L3MBTL4: variants seen among roughly 807,000 people sequenced by gnomAD.
L3MBTL4 encodes the protein lethal(3)malignant brain tumor-like protein 4.
In L3MBTL4, 70 loss-of-function variants were observed where a neutral mutation model predicts 84.5. The ratio of observed to expected loss-of-function variants is 0.83; its 90% confidence interval spans 0.68 to 1.01. L3MBTL4 has a LOEUF of 1.01. L3MBTL4 is among the 50% of genes least tolerant of loss of function. L3MBTL4 has a pLI of 0.00. For missense variants in L3MBTL4, 715 were observed against 754.8 expected, an observed-to-expected ratio of 0.95 and a Z score of 0.62; for synonymous variants, 274 against 259.8, an observed-to-expected ratio of 1.05 and a Z score of -0.52.
chr18:5,972,933 AGAATAGAATAGAAT>A (rs1196205343), intron 16 of L3MBTL4, among the ~76,000 whole-genome samples: 25 of 144,736 alleles, frequency 1.7e-4, no homozygotes, highest in African/African-American at 5.6e-4. Flanking sequence ...AGAATAGAAT[AGAATAGAATAGAAT>A]AGAATAGAAT....
intron 1 of L3MBTL4, among the ~76,000 whole-genome samples, chr18:6,374,113 A>G (rs2054270244): frequency 6.6e-6 from 1 of 152,204 alleles, no homozygotes. Context: ...CAAACAGCAG[A>G]TGTACATGCC....
Position 6,147,702 on chromosome 18 carries a change from A to G in L3MBTL4, c.1097-9406T>C, listed in dbSNP as rs182195976. On this transcript the variant is annotated intron_variant, in intron 13 of 18. Transcript: ENST00000317931. ...ACTTATCTTCCACTCAGAAACAATC[A>G]CACAGTAAGAAAAGAATGCAGACTC... 3.2e-4 allele frequency among the ~76,000 whole-genome samples: 49 copies of G among 152,322 alleles called. No homozygotes were observed. In the East Asian group the frequency reaches 9.2e-3, roughly 29 times the overall value.
At chr18:6,120,511 A>G (rs1467455710) in intron 14 of L3MBTL4, among the ~76,000 whole-genome samples, 4 of 152,184 alleles carry the variant, frequency 2.6e-5, no homozygotes, top group Non-Finnish European at 4.4e-5. Context: ...TTGAAGTAGA[A>G]CTTTATATAG....
intron 13 of L3MBTL4, among the ~76,000 whole-genome samples, chr18:6,139,379 T>C (rs916068635): frequency 6.6e-6 from 1 of 152,056 alleles, no homozygotes; most frequent in Non-Finnish European, 1.5e-5. Context: ...ACTCTAACCA[T>C]GCCAAGCATT....
Position 6,172,717 on chromosome 18 carries a change from C to T in L3MBTL4, c.982-775G>A, listed in dbSNP as rs12604263. On this transcript the variant is annotated intron_variant, in intron 12 of 18. Coordinates refer to ENST00000317931, the MANE Select transcript of L3MBTL4 (RefSeq NM_001330559.2). ...AAATCCCAATTTCTGAAACAAAAAT[C>T]AAATAATTATTTCTTAAAAATAATT... Among the ~76,000 whole-genome samples, 73 of 152,148 alleles carry T rather than the reference C, an allele frequency of 4.8e-4. 2 individuals carry two copies. In the East Asian group the frequency reaches 0.013, roughly 27 times the overall value.
chr18:6,378,601 T>C (rs1007294851), intron 1 of L3MBTL4, among the ~76,000 whole-genome samples: 4 of 152,204 alleles, frequency 2.6e-5, no homozygotes, highest in African/African-American at 9.7e-5. Flanking sequence ...CTTGTTTGTG[T>C]CAGGTTTGTC....
intron 12 of L3MBTL4, among the ~76,000 whole-genome samples, chr18:6,177,495 G>T (rs558790212): frequency 1.1e-4 from 16 of 152,326 alleles, no homozygotes. Context: ...CTTCTGTGTT[G>T]TTGGAAGTGT....
intron 1 of L3MBTL4, among the ~76,000 whole-genome samples, chr18:6,410,697 G>C (rs2055929897): frequency 1.3e-5 from 2 of 152,286 alleles, no homozygotes; most frequent in South Asian, 4.1e-4. Flanking sequence ...TGCATGCACT[G>C]CTGTTCATCT....
At chr18:6,162,677 A>G (rs2043400754) in intron 13 of L3MBTL4, among the ~76,000 whole-genome samples, 1 of 152,222 alleles carries the variant, frequency 6.6e-6, no homozygotes, top group Admixed American at 6.5e-5. Context: ...TATCATAGAT[A>G]AAAGACACAG....
At chr18:5,976,194 G>T (rs567986304) in intron 16 of L3MBTL4, among the ~76,000 whole-genome samples, 1 of 152,176 alleles carries the variant, frequency 6.6e-6, no homozygotes, top group African/African-American at 2.4e-5. Flanking sequence ...CCTGGATTTT[G>T]ATCACTTAGT....
intron 16 of L3MBTL4, among the ~76,000 whole-genome samples, chr18:5,992,503 G>A (rs747254711): frequency 2.0e-5 from 3 of 152,128 alleles, no homozygotes; most frequent in Admixed American, 6.5e-5. Context: ...GGAAGCTCAC[G>A]GGGAGCGATA....
intron 12 of L3MBTL4, among the ~76,000 whole-genome samples, chr18:6,201,288 C>T (rs551025591): frequency 2.6e-5 from 4 of 152,244 alleles, no homozygotes; most frequent in African/African-American, 4.8e-5. Context: ...CAAGTGTACA[C>T]GTTCAGACAC....
At chr18:6,272,110 T>C (rs940486477) in intron 4 of L3MBTL4, among the ~76,000 whole-genome samples, 4 of 152,116 alleles carry the variant, frequency 2.6e-5, no homozygotes, top group African/African-American at 9.7e-5. Flanking sequence ...AGTTCTTCCG[T>C]TGAGGGAAAT....
At chr18:6,059,344 A>G (rs2057131354) in intron 16 of L3MBTL4, among the ~76,000 whole-genome samples, 2 of 152,376 alleles carry the variant, frequency 1.3e-5, no homozygotes, top group East Asian at 3.9e-4. Context: ...TACGTATTAA[A>G]GCAGGTTTAT....
intron 1 of L3MBTL4, among the ~76,000 whole-genome samples, chr18:6,327,926 C>T (rs1214252033): frequency 1.3e-5 from 2 of 152,144 alleles, no homozygotes; most frequent in Non-Finnish European, 2.9e-5. Context: ...GTTATGTACT[C>T]CCTCAACAGC....
At chr18:6,228,671 C>G (rs1257777072) in intron 10 of L3MBTL4, among the ~76,000 whole-genome samples, 3 of 151,840 alleles carry the variant, frequency 2.0e-5, no homozygotes, top group African/African-American at 7.3e-5. Flanking sequence ...AAAACAAAAC[C>G]ACAGTGAAAC....
intron 1 of L3MBTL4, among the ~76,000 whole-genome samples, chr18:6,372,667 CT>C (rs2054203178): frequency 6.6e-6 from 1 of 152,188 alleles, no homozygotes; most frequent in Non-Finnish European, 1.5e-5. Flanking sequence ...TAAGTGCCCC[CT>C]TTCACTCTCC....
At chr18:5,998,069 G>A (rs909137360) in intron 16 of L3MBTL4, among the ~76,000 whole-genome samples, 3 of 152,142 alleles carry the variant, frequency 2.0e-5, no homozygotes, top group African/African-American at 7.2e-5. Flanking sequence ...ATACAAAACA[G>A]CAGCAGCGTG....
intron 4 of L3MBTL4, among the ~76,000 whole-genome samples, chr18:6,294,742 G>T (rs1331849598): frequency 6.6e-6 from 1 of 151,574 alleles, no homozygotes; most frequent in Non-Finnish European, 1.5e-5. Flanking sequence ...AACAAAACAG[G>T]GTACTCAGTC....
Sources: allele counts gnomAD v4.1 joint callset (sites outside exome capture counted in the v4.1 genomes callset), GRCh38; gene constraint gnomAD v4.1.1; transcripts MANE v1.5; gene names NCBI Gene and HGNC (gene_info 2026-07-23, HGNC 2026-07-21).